The following FARP2 variants were observed in gnomAD, a reference collection of about 807,000 sequenced individuals.
FARP2 encodes FERM, ARHGEF and pleckstrin domain-containing protein 2.
A neutral mutation model predicts 130.5 loss-of-function variants in FARP2; 111 were observed. The ratio of observed to expected loss-of-function variants is 0.85; its 90% CI spans 0.73 to 1.00. The LOEUF (loss-of-function observed/expected upper bound fraction) is 1.00, where lower values mean the gene tolerates loss of function less well. FARP2 is among the 50% of genes least tolerant of loss of function. The probability of loss-of-function intolerance (pLI) is 0.00; values close to 1 mark genes in which losing one functional copy is unlikely to be tolerated. For synonymous variants in FARP2, 504 were observed against 516.9 expected (o/e 0.98, Z 0.34); for missense variants, 1,385 against 1,346.3 (o/e 1.03, Z -0.45).
At chr2:241,492,776 T>C in intron 24 of FARP2, 153 bp from the exon 25 acceptor site, 2 of 582,318 alleles carry the variant, frequency 3.4e-6, no homozygotes, top group Non-Finnish European at 6.2e-6. Flanking sequence ...TGGACTTAAG[T>C]ACTGATAAAG....
At chr2:241,436,376 T>G in intron 11 of FARP2, 105 bp from the exon 12 acceptor site, 3 of 937,292 alleles carry the variant, frequency 3.2e-6, no homozygotes, top group Non-Finnish European at 5.2e-6. Context: ...AGCTACATTT[T>G]CTTGTGAGGT....
chr2:241,385,746 A>G (rs530559932), intron 2 of FARP2, among the ~76,000 whole-genome samples: 71 of 152,082 alleles, frequency 4.7e-4, no homozygotes, highest in Non-Finnish European at 7.4e-4. Context: ...AAAAATTTTA[A>G]TTACCTATTT....
At chr2:241,392,130 C>G (rs1480616654) in intron 2 of FARP2, among the ~76,000 whole-genome samples, 3 of 152,214 alleles carry the variant, frequency 2.0e-5, no homozygotes, top group African/African-American at 7.2e-5. Context: ...CCATAGGAAC[C>G]GGCTGGCAGG....
At chr2:241,380,812 G>A (rs778893394) in intron 2 of FARP2, among the ~76,000 whole-genome samples, 2 of 151,966 alleles carry the variant, frequency 1.3e-5, no homozygotes, top group Admixed American at 6.6e-5. Flanking sequence ...AACTTCAAAT[G>A]TCTACATTCT....
intron 18 of FARP2, among the ~76,000 whole-genome samples, chr2:241,473,770 A>G (rs2124845432): frequency 6.6e-6 from 1 of 152,286 alleles, no homozygotes; most frequent in Admixed American, 6.5e-5. Flanking sequence ...AGCCTGGGAG[A>G]GCCAGGGGAT....
chr2:241,493,632 T>G (rs566549642), intron 26 of FARP2, 188 bp downstream of exon 26: 1 of 596,934 alleles, frequency 1.7e-6, no homozygotes, highest in South Asian at 2.0e-5. Flanking sequence ...TCTCCCTCTG[T>G]CACTCAGGCT....
At chr2:241,383,652 T>C (rs1461943563) in intron 2 of FARP2, among the ~76,000 whole-genome samples, 3 of 152,078 alleles carry the variant, frequency 2.0e-5, no homozygotes, top group Non-Finnish European at 4.4e-5. Flanking sequence ...GGATGTGGCT[T>C]GGGCAGAAGG....
chr2:241,489,743 G>T, intron 21 of FARP2: 2 of 473,310 alleles, frequency 4.2e-6, no homozygotes, highest in African/African-American at 1.9e-5. Context: ...TGAGTATTTG[G>T]GTGCCCTCTG....
At chr2:241,378,395 G>A (rs2061587169) in intron 2 of FARP2, among the ~76,000 whole-genome samples, 2 of 141,758 alleles carry the variant, frequency 1.4e-5, no homozygotes, top group Admixed American at 1.5e-4. Flanking sequence ...GATTACAGGT[G>A]CCAGCCACCA....
At position 241,386,497 on chromosome 2, in the gene FARP2, C is replaced by T. The variant is rs376884720; in HGVS notation, c.183+13207C>T. 9.8e-4 allele frequency among the ~76,000 whole-genome samples: 149 copies of T among 152,252 alleles called. 2 individuals carry two copies. The South Asian group carries it at 0.028, about 29-fold the overall frequency. On this transcript the variant is annotated intron_variant, in intron 2 of 26. Coordinates refer to ENST00000264042, the MANE Select transcript of FARP2 (RefSeq NM_014808.4). ...CTGTCTCCCCATTCTGTCCTTAAGA[C>T]AGTATATTTAAGGGAGAGATTTTGG...
At chr2:241,452,429 T>A (rs967876695) in intron 13 of FARP2, among the ~76,000 whole-genome samples, 18 of 152,206 alleles carry the variant, frequency 1.2e-4, no homozygotes, top group African/African-American at 3.6e-4. Context: ...CCCCACAGAT[T>A]TACTGACTTT....
At position 241,407,597 on chromosome 2, in the gene FARP2, T is replaced by A. The variant is rs774421263; in HGVS notation, c.392T>A (p.Leu131Gln). ...VKFFPPDPGQ[L>Q]QEEYTRYLFA... ...TTTTTTCCACCTGATCCTGGTCAGC[T>A]ACAAGAAGAATATACAAGGTAAAGA... Residue 131 changes from leucine (L) to glutamine (Q), a missense_variant, in exon 5 of 27, where the codon CTA (leucine) becomes CAA (glutamine). Coordinates refer to ENST00000264042, the MANE Select transcript of FARP2 (RefSeq NM_014808.4). 1.1e-5 allele frequency: 17 copies of A among 1,613,864 alleles called. No homozygotes were observed. Among genetic ancestry groups the A allele is most frequent in the South Asian group, 9.9e-5 (9 of 91,078 alleles).
intron 16 of FARP2, 132 bp from the exon 17 acceptor site, chr2:241,463,767 C>T (rs906267870): frequency 8.7e-6 from 7 of 800,914 alleles, no homozygotes; most frequent in Non-Finnish European, 1.2e-5. Flanking sequence ...CCCTGCCCTG[C>T]GGCCTCTTCC....
intron 9 of FARP2, among the ~76,000 whole-genome samples, chr2:241,433,765 C>T (rs1206908886): frequency 1.3e-5 from 2 of 152,188 alleles, no homozygotes; most frequent in Non-Finnish European, 2.9e-5. Context: ...GTGGTGCACA[C>T]CTGTAATCCC....
intron 1 of FARP2, among the ~76,000 whole-genome samples, chr2:241,366,672 G>T (rs546044850): frequency 6.6e-6 from 1 of 152,060 alleles, no homozygotes; most frequent in African/African-American, 2.4e-5. Context: ...TTTAATTTTT[G>T]GCTACCAAAC....
chr2:241,423,647 A>G (rs1384451382), intron 8 of FARP2, among the ~76,000 whole-genome samples: 1 of 152,240 alleles, frequency 6.6e-6, no homozygotes. Flanking sequence ...AAATGCCCCC[A>G]ATTAAAAGAC....
Position 241,491,163 on chromosome 2 carries a change from G to C in FARP2, c.2607G>C (p.Val869=), listed in dbSNP as rs752968148. 2.5e-6 allele frequency: 4 copies of C among 1,612,582 alleles called. No individual in the cohort carries two copies. The highest frequency in any genetic ancestry group is 3.4e-6 in the Non-Finnish European group (4 of 1,179,280). ...CCCCTGCACTGCCAGGCCGCACTGT[G>C]TGCACTCGTCCCCCCAGTGAGTGCT... is the stretch of plus-strand genomic sequence containing the variant. ...DTAPALPGRT[V]CTRPPRSPNE... Residue 869 remains valine, a synonymous_variant, in exon 23 of 27, where the codon GTG becomes GTC. Transcript: ENST00000264042.
chr2:241,452,372 C>G (rs1168965103), intron 13 of FARP2, among the ~76,000 whole-genome samples: 1 of 152,004 alleles, frequency 6.6e-6, no homozygotes, highest in East Asian at 1.9e-4. Context: ...AATAAAGTTA[C>G]ACATTCATCG....
At chr2:241,432,362 G>A (rs770571129) in intron 9 of FARP2, 15 of 152,268 alleles carry the variant, frequency 9.9e-5, no homozygotes, top group Non-Finnish European at 2.1e-4. Context: ...CAGCTTCAGC[G>A]GGTCTGGGAT....
Sources: allele counts gnomAD v4.1 joint callset (sites outside exome capture counted in the v4.1 genomes callset), GRCh38; gene constraint gnomAD v4.1.1; transcripts MANE v1.5; gene names NCBI Gene and HGNC (gene_info 2026-07-23, HGNC 2026-07-21).